EPHA7: variants seen among roughly 807,000 people sequenced by gnomAD.
The protein encoded by EPHA7 is EPH receptor A7.
In EPHA7, 25 loss-of-function variants were observed where a neutral mutation model predicts 112.6. The ratio of observed to expected loss-of-function variants is 0.22; its 90% confidence interval spans 0.16 to 0.31. EPHA7 has a LOEUF of 0.31. EPHA7 is among the 10% of genes least tolerant of loss of function. The pLI, the probability that EPHA7 is intolerant of heterozygous loss-of-function variation, is 1.00. For missense variants in EPHA7, 962 were observed against 1,212.6 expected, an observed-to-expected ratio of 0.79 and a Z score of 3.07; for synonymous variants, 437 against 406.5, an observed-to-expected ratio of 1.07 and a Z score of -0.90.
chr6:93,264,754 G>C, intron 7 of EPHA7, 52 bp from the exon 8 acceptor site: 2 of 1,070,898 alleles, frequency 1.9e-6, no homozygotes, highest in Non-Finnish European at 2.7e-6. Flanking sequence ...GCAAGAACTT[G>C]AAAGGTTAAA....
At chr6:93,262,944 T>C (rs546283588) in intron 9 of EPHA7, among the ~76,000 whole-genome samples, 8 of 151,510 alleles carry the variant, frequency 5.3e-5, no homozygotes, top group African/African-American at 1.4e-4. Flanking sequence ...TCACAGATAT[T>C]GACATAAGAA....
At chr6:93,287,192 C>T (rs974795766) in intron 5 of EPHA7, among the ~76,000 whole-genome samples, 2 of 152,148 alleles carry the variant, frequency 1.3e-5, no homozygotes, top group African/African-American at 4.8e-5. Flanking sequence ...TGTAAACTCT[C>T]CCATGAAAAT....
chr6:93,387,699 C>A (rs907432186), intron 3 of EPHA7, among the ~76,000 whole-genome samples: 4 of 151,998 alleles, frequency 2.6e-5, no homozygotes, highest in Admixed American at 2.6e-4. Flanking sequence ...ACAGACATAT[C>A]CTTCTTCACA....
chr6:93,289,018 T>C (rs1238849316), intron 5 of EPHA7, among the ~76,000 whole-genome samples: 2 of 152,178 alleles, frequency 1.3e-5, no homozygotes, highest in Non-Finnish European at 2.9e-5. Context: ...TTTAGACATA[T>C]ATTAAATTCT....
chr6:93,399,393 AC>A (rs1778331408), intron 3 of EPHA7, among the ~76,000 whole-genome samples: 1 of 151,940 alleles, frequency 6.6e-6, no homozygotes, highest in Non-Finnish European at 1.5e-5. Flanking sequence ...GTTTGTTTAC[AC>A]CTTTGTTGTT....
At chr6:93,397,352 A>T (rs1778229515) in intron 3 of EPHA7, among the ~76,000 whole-genome samples, 1 of 151,890 alleles carries the variant, frequency 6.6e-6, no homozygotes, top group Admixed American at 6.6e-5. Flanking sequence ...AAAACAGAGT[A>T]AACAAAATCA....
intron 9 of EPHA7, 111 bp from the exon 10 acceptor site, chr6:93,259,590 C>T: frequency 7.7e-7 from 1 of 1,291,192 alleles, no homozygotes; most frequent in Non-Finnish European, 1.1e-6. Flanking sequence ...CTTGCTTCCA[C>T]ATCACCTGAT....
Position 93,242,125 on chromosome 6 carries a change from C to T in EPHA7, c.*1301G>A, listed in dbSNP as rs1028974939. 3 of 196,918 alleles carry T rather than the reference C, an allele frequency of 1.5e-5. No individual in the cohort carries two copies. Among genetic ancestry groups the T allele is most frequent in the Non-Finnish European group, 2.1e-5 (2 of 94,736 alleles). 12.2% of individuals were successfully genotyped at this position (196,918 alleles called of 1,614,324 possible). ...AATTATTGCTTATGAAATTCTAACACAGTAATCAAATAATATGGTTTAATA... is the reference window on the plus strand; with the variant it reads ...AATTATTGCTTATGAAATTCTAACATAGTAATCAAATAATATGGTTTAATA... On this transcript the variant is annotated 3_prime_UTR_variant, in exon 17 of 17. Coordinates refer to ENST00000369303, the MANE Select transcript of EPHA7 (RefSeq NM_004440.4).
chr6:93,284,296 C>A (rs1771943151), intron 5 of EPHA7, among the ~76,000 whole-genome samples: 1 of 151,678 alleles, frequency 6.6e-6, no homozygotes, highest in Non-Finnish European at 1.5e-5. Flanking sequence ...CAGAATTCTT[C>A]CTCGTTAGTG....
chr6:93,387,394 A>G (rs1404374039), intron 3 of EPHA7, among the ~76,000 whole-genome samples: 1 of 152,138 alleles, frequency 6.6e-6, no homozygotes, highest in Non-Finnish European at 1.5e-5. Flanking sequence ...GGTCAAAGCC[A>G]TTCAATAAGT....
rs1270620834 is a variant in EPHA7 at position 93,242,961 on chromosome 6, A to G, written c.*465T>C. ...AACACTAAAAAGGTCCAAAGCTATA[A>G]ACAGCTTTCTAAAACAAAGTCCTTA... On this transcript the variant is annotated 3_prime_UTR_variant, in exon 17 of 17. Coordinates refer to ENST00000369303, the MANE Select transcript of EPHA7 (RefSeq NM_004440.4). 5 of 219,582 alleles carry G rather than the reference A, an allele frequency of 2.3e-5. No individual in the cohort carries two copies. In the East Asian group the frequency reaches 3.4e-4, roughly 15 times the overall value. 13.6% of individuals were successfully genotyped at this position (219,582 alleles called of 1,614,324 possible).
intron 13 of EPHA7, among the ~76,000 whole-genome samples, chr6:93,255,279 C>T (rs1290462203): frequency 6.6e-5 from 10 of 151,934 alleles, no homozygotes; most frequent in African/African-American, 1.5e-4. Flanking sequence ...ACCCGGGAGG[C>T]GGAAGCTGCA....
At chr6:93,264,299 T>C (rs1314004887) in intron 8 of EPHA7, among the ~76,000 whole-genome samples, 1 of 151,316 alleles carries the variant, frequency 6.6e-6, no homozygotes, top group East Asian at 1.9e-4. Context: ...GCTAAAAGAG[T>C]AAACATTTCC....
chr6:93,411,426 G>A lies in EPHA7; in HGVS notation c.163-256C>T, dbSNP rs546062677. 2.0e-5 allele frequency among the ~76,000 whole-genome samples: 3 copies of A among 152,118 alleles called. No individual in the cohort carries two copies. In the South Asian group the frequency reaches 6.2e-4, roughly 32 times the overall value. ...AATATCTTTCTGTGAGTATATTAGT[G>A]TTTCTTTTTTACATGTTTGCTTATG... On this transcript the variant is annotated intron_variant, in intron 2 of 16. Transcript: ENST00000369303.
Position 93,246,911 on chromosome 6 carries a change from C to T in EPHA7, c.2607G>A (p.Met869Ile), listed in dbSNP as rs1769979835. The T allele has an allele frequency of 3.7e-6, 6 of 1,613,836 alleles. No homozygotes were observed. The highest frequency in any genetic ancestry group is 5.1e-6 in the Non-Finnish European group (6 of 1,179,782). ...MDCPAGLHQL[M>I]LDCWQKERAE... The stretch of plus-strand genomic sequence containing the variant: ...CACGCTCCTTTTGCCAACAATCCAA[C>T]ATTAGCTGGTGAAGGCCAGCTGGGC... The change falls in exon 15 of 17, where the codon ATG becomes ATA. Residue 869 changes from methionine to isoleucine, a missense_variant. This residue lies in a region of EPHA7 where 746 missense variants were observed against 889.2 expected (regional missense o/e 0.84). Coordinates refer to ENST00000369303, the MANE Select transcript of EPHA7 (RefSeq NM_004440.4).
At chr6:93,254,388 G>A (rs1016167039) in intron 14 of EPHA7, among the ~76,000 whole-genome samples, 1 of 151,918 alleles carries the variant, frequency 6.6e-6, no homozygotes, top group African/African-American at 2.4e-5. Flanking sequence ...TATTAAGGAG[G>A]AAATATCATT....
At chr6:93,275,355 CT>C (rs2127887505) in intron 5 of EPHA7, among the ~76,000 whole-genome samples, 1 of 151,870 alleles carries the variant, frequency 6.6e-6, no homozygotes, top group African/African-American at 2.4e-5. Context: ...TATAACAGAG[CT>C]TTTTGAACAT....
chr6:93,364,563 G>C (rs1776415822), intron 3 of EPHA7, among the ~76,000 whole-genome samples: 1 of 149,146 alleles, frequency 6.7e-6, no homozygotes, highest in African/African-American at 2.5e-5. Flanking sequence ...AAATTCATCA[G>C]TAATGTACCT....
At chr6:93,360,103 C>T (rs551965561) in intron 3 of EPHA7, among the ~76,000 whole-genome samples, 4 of 152,068 alleles carry the variant, frequency 2.6e-5, no homozygotes, top group South Asian at 2.1e-4. Flanking sequence ...TTTTCAATAG[C>T]AATTATTGCA....
Sources: allele counts gnomAD v4.1 joint callset (sites outside exome capture counted in the v4.1 genomes callset), GRCh38; gene constraint gnomAD v4.1.1; regional missense constraint gnomAD v4.1.1; transcripts MANE v1.5; gene names NCBI Gene and HGNC (gene_info 2026-07-23, HGNC 2026-07-21).